LHFPL2: variants seen among roughly 807,000 people sequenced by gnomAD.
LHFPL2 encodes the protein LHFPL tetraspan subfamily member 2 protein.
A neutral mutation model predicts 17.5 loss-of-function variants in LHFPL2; 7 were observed. That is an observed-to-expected ratio of 0.40 (90% CI 0.23 to 0.75). The LOEUF (loss-of-function observed/expected upper bound fraction) is 0.75. Ranked by LOEUF, LHFPL2 falls within the 30% of genes least tolerant of loss-of-function variation. LHFPL2 has a pLI of 0.37. For synonymous variants in LHFPL2, 134 were observed against 116.2 expected, an observed-to-expected ratio of 1.15 and a Z score of -0.99; for missense variants, 241 against 294.8, an observed-to-expected ratio of 0.82 and a Z score of 1.34.
In LHFPL2 at chr5:78,548,259, C is replaced by A. The variant is rs115602840; in HGVS notation, c.-186+16554G>T. On this transcript the variant is annotated intron_variant, in intron 3 of 4. Coordinates refer to ENST00000380345, the MANE Select transcript of LHFPL2 (RefSeq NM_005779.3). ...ACATAAGCTACAGTCTGCACTTCCA[C>A]GTAAAGAGCTCCACCCGGCCTTGGG... Among the ~76,000 whole-genome samples, 883 of 152,328 alleles carry A rather than the reference C, an allele frequency of 5.8e-3. 9 individuals are homozygous for A. Among genetic ancestry groups the A allele is most frequent in the African/African-American group, 0.02 (849 of 41,570 alleles).
chr5:78,509,277 G>T (rs116327833), intron 4 of LHFPL2, among the ~76,000 whole-genome samples: 1 of 152,144 alleles, frequency 6.6e-6, no homozygotes, highest in Non-Finnish European at 1.5e-5. Flanking sequence ...TTCCCAGCCC[G>T]TGTCTTTCCC....
Position 78,487,308 on chromosome 5 carries a change from C to G in LHFPL2, c.*1589G>C, listed in dbSNP as rs964448866. Reference sequence around the variant, plus strand: ...GCACCAAGATACGGTGCTTTAGACTCAGACAGCTTTAACATGATTCACTCA... The same window carrying G: ...GCACCAAGATACGGTGCTTTAGACTGAGACAGCTTTAACATGATTCACTCA... On this transcript the variant is annotated 3_prime_UTR_variant, in exon 5 of 5. Coordinates refer to ENST00000380345, the MANE Select transcript of LHFPL2 (RefSeq NM_005779.3). 4 of 152,182 alleles carry G rather than the reference C, an allele frequency of 2.6e-5. No individual in the cohort carries two copies. Among genetic ancestry groups the G allele is most frequent in the Non-Finnish European group, 4.4e-5 (3 of 68,034 alleles). The allele number at this position is 152,182 out of a possible 1,614,324, so 9.4% of individuals were successfully genotyped here.
intron 1 of LHFPL2, among the ~76,000 whole-genome samples, chr5:78,645,739 C>T (rs1432408815): frequency 6.6e-6 from 1 of 152,144 alleles, no homozygotes; most frequent in African/African-American, 2.4e-5. Context: ...CATGCCACCA[C>T]ACCCGGCTAA....
At chr5:78,620,708 A>T (rs1293319725) in intron 2 of LHFPL2, among the ~76,000 whole-genome samples, 1 of 152,226 alleles carries the variant, frequency 6.6e-6, no homozygotes, top group African/African-American at 2.4e-5. Context: ...ACAGGACAAC[A>T]GAGCACCCAC....
chr5:78,567,812 C>T (rs778634223), intron 2 of LHFPL2, among the ~76,000 whole-genome samples: 17 of 152,088 alleles, frequency 1.1e-4, no homozygotes, highest in Admixed American at 7.9e-4. Context: ...AAATTTTGGC[C>T]GCATTTTAAC....
Position 78,494,377 on chromosome 5 carries a change from A to G in LHFPL2, c.431-5224T>C, listed in dbSNP as rs1214149034. On this transcript the variant is annotated intron_variant, in intron 4 of 4. Coordinates refer to ENST00000380345, the MANE Select transcript of LHFPL2 (RefSeq NM_005779.3). ...GGCTGCTCACCTCTGCGATGGCTCAACTTGACAGAATGGTGCCCTAGAAGG... is the reference window on the plus strand; with the variant it reads ...GGCTGCTCACCTCTGCGATGGCTCAGCTTGACAGAATGGTGCCCTAGAAGG... 4 of 985,258 alleles carry G rather than the reference A, an allele frequency of 4.1e-6. 1 individual carries two copies. The highest frequency in any genetic ancestry group is 4.8e-6 in the Non-Finnish European group (4 of 829,932). 61.0% of individuals were successfully genotyped at this position (985,258 alleles called of 1,614,324 possible). A position where few individuals can be genotyped will look rare whatever the true frequency, so the allele number is the denominator to read the frequency against.
intron 3 of LHFPL2, among the ~76,000 whole-genome samples, chr5:78,523,112 GT>G (rs1755508306): frequency 3.9e-5 from 2 of 51,012 alleles, no homozygotes; most frequent in Non-Finnish European, 7.7e-5. Context: ...TGTGTCTGTG[GT>G]GTGTGTGTGT....
intron 2 of LHFPL2, among the ~76,000 whole-genome samples, chr5:78,618,680 T>C (rs1744712585): frequency 1.3e-5 from 2 of 152,246 alleles, no homozygotes; most frequent in South Asian, 4.1e-4. Flanking sequence ...ACACGTACTT[T>C]CGTCATCTCT....
intron 4 of LHFPL2, among the ~76,000 whole-genome samples, chr5:78,506,681 C>A (rs139357100): frequency 3.3e-5 from 5 of 152,206 alleles, no homozygotes; most frequent in African/African-American, 9.7e-5. Flanking sequence ...AAAGTGCCCA[C>A]TGAATCATGA....
At chr5:78,571,406 C>T (rs934856650) in intron 2 of LHFPL2, among the ~76,000 whole-genome samples, 1 of 152,124 alleles carries the variant, frequency 6.6e-6, no homozygotes, top group Non-Finnish European at 1.5e-5. Context: ...AACCCACCCT[C>T]GCCTCTGCCC....
At chr5:78,586,529 G>A (rs1240759751) in intron 2 of LHFPL2, among the ~76,000 whole-genome samples, 1 of 152,074 alleles carries the variant, frequency 6.6e-6, no homozygotes, top group Non-Finnish European at 1.5e-5. Flanking sequence ...GGCTTCCTCT[G>A]CCCTTTGTCT....
At chr5:78,503,061 G>A (rs568726375) in intron 4 of LHFPL2, among the ~76,000 whole-genome samples, 1 of 152,148 alleles carries the variant, frequency 6.6e-6, no homozygotes, top group East Asian at 1.9e-4. Flanking sequence ...ACATAAATGA[G>A]CTCATAAATG....
chr5:78,628,671 T>C (rs967268495), intron 2 of LHFPL2, among the ~76,000 whole-genome samples: 1 of 152,278 alleles, frequency 6.6e-6, no homozygotes, highest in African/African-American at 2.4e-5. Flanking sequence ...GGAGGGCTGG[T>C]CACCCCCATA....
intron 1 of LHFPL2, chr5:78,644,209 G>A: frequency 6.4e-6 from 4 of 621,058 alleles, no homozygotes; most frequent in South Asian, 5.7e-5. Context: ...GAAGTGAAAT[G>A]CATACAGGGA....
At chr5:78,547,166 G>A (rs1339497290) in intron 3 of LHFPL2, among the ~76,000 whole-genome samples, 2 of 152,160 alleles carry the variant, frequency 1.3e-5, no homozygotes, top group Non-Finnish European at 2.9e-5. Context: ...TCCATCTTAT[G>A]GCCTAGAAAT....
intron 2 of LHFPL2, among the ~76,000 whole-genome samples, chr5:78,614,040 G>A (rs892653876): frequency 2.6e-5 from 4 of 152,136 alleles, no homozygotes; most frequent in Admixed American, 6.5e-5. Context: ...AGTACCCTAC[G>A]GCAGCTGATG....
Position 78,520,353 on chromosome 5 carries a change from C to T in LHFPL2, c.-185-9955G>A, listed in dbSNP as rs190100384. Among the ~76,000 whole-genome samples, 421 of 152,304 alleles carry T rather than the reference C, an allele frequency of 2.8e-3. 1 individual carries two copies. Among genetic ancestry groups the T allele is most frequent in the African/African-American group, 9.4e-3 (389 of 41,566 alleles). On this transcript the variant is annotated intron_variant, in intron 3 of 4. Coordinates refer to ENST00000380345, the MANE Select transcript of LHFPL2 (RefSeq NM_005779.3). ...CTCTCGGCTAATGGATGTGTGACCTCGCACAGCTCCACTGCCTACTCTGGC... is the reference window on the plus strand; with the variant it reads ...CTCTCGGCTAATGGATGTGTGACCTTGCACAGCTCCACTGCCTACTCTGGC...
At chr5:78,497,739 C>G (rs959371549) in intron 4 of LHFPL2, among the ~76,000 whole-genome samples, 3 of 152,246 alleles carry the variant, frequency 2.0e-5, no homozygotes, top group Non-Finnish European at 4.4e-5. Flanking sequence ...TACACAGTTA[C>G]TACTGAAACA....
At chr5:78,500,427 G>T (rs1009096669) in intron 4 of LHFPL2, among the ~76,000 whole-genome samples, 1 of 152,206 alleles carries the variant, frequency 6.6e-6, no homozygotes. Flanking sequence ...AGGGGAAGCT[G>T]CTCATAATCT....
Sources: gnomAD v4.1 joint callset for allele counts (sites outside exome capture counted in the v4.1 genomes callset) on GRCh38, gnomAD v4.1.1 for gene constraint, MANE v1.5 for transcripts, NCBI Gene and HGNC (gene_info 2026-07-23, HGNC 2026-07-21) for gene names.